Variants in MYO1D observed in about 807,000 individuals in gnomAD.
MYO1D encodes the protein unconventional myosin-Id.
A neutral mutation model predicts 122.0 loss-of-function variants in MYO1D; 83 were observed. The observed-to-expected ratio is 0.68, with a 90% confidence interval of 0.57 to 0.82. The LOEUF is 0.82. Among genes scored for constraint, MYO1D ranks in the 40% least tolerant of loss-of-function variants. The pLI is 0.00. For synonymous variants in MYO1D, 464 were observed against 446.9 expected, an observed-to-expected ratio of 1.04 and a Z score of -0.48; for missense variants, 1,157 against 1,269.5, an observed-to-expected ratio of 0.91 and a Z score of 1.35.
At chr17:32,681,542 T>C (rs2088917330) in intron 16 of MYO1D, among the ~76,000 whole-genome samples, 1 of 151,312 alleles carries the variant, frequency 6.6e-6, no homozygotes, top group South Asian at 2.1e-4. Flanking sequence ...GTTGTTCAGT[T>C]TCCATGTAGT....
At chr17:32,565,867 C>A (rs1038580568) in intron 21 of MYO1D, among the ~76,000 whole-genome samples, 1 of 152,054 alleles carries the variant, frequency 6.6e-6, no homozygotes, top group African/African-American at 2.4e-5. Flanking sequence ...ACTACAGGTG[C>A]GTGCCACCAG....
chr17:32,783,455 G>T (rs2090261012), intron 1 of MYO1D, among the ~76,000 whole-genome samples: 1 of 152,184 alleles, frequency 6.6e-6, no homozygotes, highest in African/African-American at 2.4e-5. Context: ...TTGAGATGCT[G>T]AGGCAGAAGG....
chr17:32,685,553 G>A (rs1201745887), intron 16 of MYO1D, among the ~76,000 whole-genome samples: 1 of 152,112 alleles, frequency 6.6e-6, no homozygotes, highest in Non-Finnish European at 1.5e-5. Context: ...AAGGAGTCCT[G>A]GAGTTTCCAT....
chr17:32,777,218 G>A lies in MYO1D; in HGVS notation c.399-1189C>T, dbSNP rs921470320. Among the ~76,000 whole-genome samples, 3 of 152,244 alleles carry A rather than the reference G, an allele frequency of 2.0e-5. No individual in the cohort carries two copies. In the South Asian group the frequency reaches 6.2e-4, roughly 32 times the overall value. Reference sequence around the variant, plus strand: ...GATTGTAAAGTCAGAGTAAGAAGGAGGGATATGTTACAATTAAGAAAAATG... The same window carrying A: ...GATTGTAAAGTCAGAGTAAGAAGGAAGGATATGTTACAATTAAGAAAAATG... On this transcript the variant is annotated intron_variant, in intron 3 of 21. Coordinates refer to ENST00000318217, the MANE Select transcript of MYO1D (RefSeq NM_015194.3).
At chr17:32,494,965 C>G in intron 21 of MYO1D, 50 bp from the exon 22 acceptor site, 1 of 1,531,214 alleles carries the variant, frequency 6.5e-7, no homozygotes, top group East Asian at 2.4e-5. Flanking sequence ...AGCATGAGAA[C>G]AGGGCACCTG....
chr17:32,643,025 T>C (rs955261793), intron 19 of MYO1D, among the ~76,000 whole-genome samples: 2 of 152,212 alleles, frequency 1.3e-5, no homozygotes, highest in African/African-American at 4.8e-5. Context: ...ATGCTTCCAC[T>C]TTTTGCCCAT....
chr17:32,874,376 T>C (rs1165460427), intron 1 of MYO1D, among the ~76,000 whole-genome samples: 2 of 150,574 alleles, frequency 1.3e-5, no homozygotes, highest in African/African-American at 2.5e-5. Flanking sequence ...AGGGTCGTGC[T>C]CTATTACACA....
At chr17:32,523,462 A>T (rs1044808944) in intron 21 of MYO1D, 1 of 152,230 alleles carries the variant, frequency 6.6e-6, no homozygotes, top group Non-Finnish European at 1.5e-5. Context: ...GAAAGGGCAG[A>T]AGTGCGAAAT....
chr17:32,542,296 C>T (rs1483075556), intron 21 of MYO1D, among the ~76,000 whole-genome samples: 2 of 152,200 alleles, frequency 1.3e-5, no homozygotes, highest in South Asian at 2.1e-4. Flanking sequence ...TCTATCCAGA[C>T]TGAAGAACCT....
At position 32,494,700 on chromosome 17, in the gene MYO1D, T is replaced by C. The variant is rs1013068437; in HGVS notation, c.*59A>G. 8 of 1,510,732 alleles carry C rather than the reference T, an allele frequency of 5.3e-6. No individual in the cohort carries two copies. The Middle Eastern group carries it at 6.4e-4, about 121-fold the overall frequency. The allele number at this position is 1,510,732 out of a possible 1,614,324, so 93.6% of individuals were successfully genotyped here. Reference sequence around the variant, plus strand: ...CGGGCATGGGTTGGGAGGCAGCAGCTGGACTGGGACCCAGGACTCGGAGTG... The same window carrying C: ...CGGGCATGGGTTGGGAGGCAGCAGCCGGACTGGGACCCAGGACTCGGAGTG... On this transcript the variant is annotated 3_prime_UTR_variant, in exon 22 of 22. Coordinates refer to ENST00000318217, the MANE Select transcript of MYO1D (RefSeq NM_015194.3).
At chr17:32,577,283 C>T (rs1251250836) in intron 21 of MYO1D, among the ~76,000 whole-genome samples, 1 of 151,192 alleles carries the variant, frequency 6.6e-6, no homozygotes, top group African/African-American at 2.4e-5. Context: ...AGGTACCGTA[C>T]CCGGCCTAAT....
intron 20 of MYO1D, among the ~76,000 whole-genome samples, chr17:32,636,020 C>T (rs1161274474): frequency 6.6e-6 from 1 of 152,086 alleles, no homozygotes; most frequent in Non-Finnish European, 1.5e-5. Context: ...AATGGAGGTC[C>T]ATAAAGAAAT....
intron 21 of MYO1D, among the ~76,000 whole-genome samples, chr17:32,591,691 C>A (rs149366118): frequency 2.6e-5 from 4 of 151,950 alleles, no homozygotes; most frequent in Admixed American, 2.6e-4. Context: ...CTACTTTCAT[C>A]GCAATGGCAT....
chr17:32,728,292 G>T (rs1022101384), intron 14 of MYO1D, among the ~76,000 whole-genome samples: 1 of 151,856 alleles, frequency 6.6e-6, no homozygotes, highest in Non-Finnish European at 1.5e-5. Context: ...TGCAACCTCG[G>T]ACTCCCGGGT....
At chr17:32,711,945 T>G in intron 16 of MYO1D, 43 bp downstream of exon 16, 1 of 1,498,306 alleles carries the variant, frequency 6.7e-7, no homozygotes, top group Non-Finnish European at 9.0e-7. Context: ...TTTTAAGAAC[T>G]TAAAAGCAAA....
rs1018425496 is a variant in MYO1D, at chr17:32,730,909, T to C, written c.1746+7344A>G. On this transcript the variant is annotated intron_variant, in intron 14 of 21. Coordinates refer to ENST00000318217, the MANE Select transcript of MYO1D (RefSeq NM_015194.3). ...TTATTTTCTCTTCCACGTGTCTTTT[T>C]TTTTTTTTTTTTTTTCAGAGACAGT... is the stretch of plus-strand genomic sequence containing the variant. Among the ~76,000 whole-genome samples, 216 of 150,208 alleles carry C rather than the reference T, an allele frequency of 1.4e-3. 1 individual carries two copies. The highest frequency in any genetic ancestry group is 5.1e-3 in the African/African-American group (207 of 40,984).
intron 21 of MYO1D, among the ~76,000 whole-genome samples, chr17:32,600,207 C>T (rs1205294089): frequency 1.3e-5 from 2 of 152,266 alleles, no homozygotes; most frequent in Non-Finnish European, 2.9e-5. Context: ...AACAGATGTG[C>T]TGTAATCCAG....
chr17:32,734,635 C>T (rs2089676525), intron 14 of MYO1D: 1 of 152,194 alleles, frequency 6.6e-6, no homozygotes, highest in South Asian at 2.1e-4. Flanking sequence ...TTTATAATTT[C>T]CATTGTGATT....
chr17:32,796,851 G>A (rs779555395), intron 1 of MYO1D, among the ~76,000 whole-genome samples: 14 of 152,116 alleles, frequency 9.2e-5, no homozygotes, highest in Non-Finnish European at 1.8e-4. Flanking sequence ...ATGGTACTGA[G>A]GTATTTCACT....
Sources: gnomAD v4.1 joint callset for allele counts (sites outside exome capture counted in the v4.1 genomes callset) on GRCh38, gnomAD v4.1.1 for gene constraint, MANE v1.5 for transcripts, NCBI Gene and HGNC (gene_info 2026-07-23, HGNC 2026-07-21) for gene names.